ITPR3: variants seen among roughly 807,000 people sequenced by gnomAD.
ITPR3 encodes inositol 1,4,5-trisphosphate receptor type 3.
A neutral mutation model predicts 293.2 loss-of-function variants in ITPR3; 173 were observed. The observed-to-expected ratio is 0.59, with a 90% CI of 0.52 to 0.67. The LOEUF (loss-of-function observed/expected upper bound fraction) is 0.67. Among genes scored for constraint, ITPR3 ranks in the 30% least tolerant of loss-of-function variants. ITPR3 has a pLI of 0.00. For missense variants in ITPR3, 2,796 were observed against 3,592.1 expected (o/e 0.78, Z 5.66); for synonymous variants, 1,295 against 1,444.4 (o/e 0.90, Z 2.35).
intron 2 of ITPR3, among the ~76,000 whole-genome samples, chr6:33,645,511 A>G (rs1357335604): frequency 1.3e-5 from 2 of 152,072 alleles, no homozygotes; most frequent in East Asian, 3.9e-4. Flanking sequence ...GCTCATTTCC[A>G]GCTTTTGGCA....
chr6:33,663,265 T>G (rs1003435849), intron 9 of ITPR3, among the ~76,000 whole-genome samples: 2 of 151,208 alleles, frequency 1.3e-5, no homozygotes, highest in Admixed American at 1.3e-4. Flanking sequence ...CCCGTCTGTC[T>G]GTAATGCGCA....
At position 33,686,993 on chromosome 6, in the gene ITPR3, C is replaced by T; in HGVS notation, c.5980-16C>T. 1 of 1,607,460 alleles carries T rather than the reference C, an allele frequency of 6.2e-7. No homozygotes were observed. The highest frequency in any genetic ancestry group is 8.5e-7 in the Non-Finnish European group (1 of 1,174,544). The stretch of plus-strand genomic sequence containing the variant: ...TCCTGAGACTGTGGCCTGCCTCCCT[C>T]TGCCCCTCCACCCAGGACAATGCCT... On this transcript the variant is annotated splice_polypyrimidine_tract_variant and intron_variant, in intron 43 of 57. Transcript: ENST00000605930.
At position 33,646,089 on chromosome 6, in the gene ITPR3, G is replaced by A. The variant is rs796537137; in HGVS notation, c.160+5535G>A. Among the ~76,000 whole-genome samples the A allele has an allele frequency of 3.3e-5, 5 of 152,204 alleles. No homozygotes were observed. In the South Asian group the frequency reaches 1.0e-3, roughly 32 times the overall value. On this transcript the variant is annotated intron_variant, in intron 2 of 57. Coordinates refer to ENST00000605930, the MANE Select transcript of ITPR3 (RefSeq NM_002224.4). ...CTGACCCCGTGATCCACCCGCCTCG[G>A]TCTCCCAAAGTGTTAGGATTACAGG...
At position 33,659,040 on chromosome 6, in the gene ITPR3, T is replaced by G. The variant is rs1337834628; in HGVS notation, c.548T>G (p.Val183Gly). ...NGDNVVVGDK[V>G]ILNPVNAGQP... ...GCTCAGGTGGTCGTGGGGGACAAGG[T>G]GATCCTGAATCCTGTCAATGCCGGG... Residue 183 changes from valine to glycine, a missense_variant, in exon 6 of 58, where the codon GTG becomes GGG. Around this residue, in one of 8 missense-constraint regions of ITPR3, gnomAD observed 144 missense variants for 230.8 expected, o/e 0.62. Transcript: ENST00000605930. 2 of 1,613,968 alleles carry G rather than the reference T, an allele frequency of 1.2e-6. No homozygotes were observed. The highest frequency in any genetic ancestry group is 1.7e-6 in the Non-Finnish European group (2 of 1,179,976).
At chr6:33,623,196 G>A (rs1437199841) in intron 1 of ITPR3, among the ~76,000 whole-genome samples, 1 of 152,106 alleles carries the variant, frequency 6.6e-6, no homozygotes, top group Admixed American at 6.5e-5. Flanking sequence ...GAGGGACATA[G>A]GGATCTATCG....
In ITPR3 at chr6:33,678,526, C is replaced by G; in HGVS notation, c.3754C>G (p.Leu1252Val). 1 of 1,612,152 alleles carries G rather than the reference C, an allele frequency of 6.2e-7. No homozygotes were observed. Among genetic ancestry groups the G allele is most frequent in the South Asian group, 1.1e-5 (1 of 91,010 alleles). The change falls in exon 29 of 58, where the codon CTC (leucine) becomes GTC (valine). Residue 1252 changes from leucine (L) to valine (V), a missense_variant. Physicochemically the swap from Leu to Val is conservative, Grantham distance 32 (BLOSUM62 1). This residue lies in a region of ITPR3 where 344 missense variants were observed against 460.3 expected (regional missense o/e 0.75). Coordinates refer to ENST00000605930, the MANE Select transcript of ITPR3 (RefSeq NM_002224.4). ...NQALLHKHLHLFLTPGLLEAE... is the reference protein window; with the variant it reads ...NQALLHKHLHVFLTPGLLEAE... ...GGCCCTGCTGCACAAACACCTGCAC[C>G]TCTTCCTCACGCCAGGGGTGAGGGT...
Position 33,691,594 on chromosome 6 carries a change from T to G in ITPR3, c.7226-21T>G. 1 of 1,603,544 alleles carries G rather than the reference T, an allele frequency of 6.2e-7. No homozygotes were observed. Among genetic ancestry groups the G allele is most frequent in the African/African-American group, 1.3e-5 (1 of 74,752 alleles). On this transcript the variant is annotated intron_variant, in intron 52 of 57. Transcript: ENST00000605930. The surrounding 1 kb of genome is among the most constrained non-coding windows in gnomAD (Gnocchi z 4.9). ...GGCCAGGCACTGGACCTCCTGATGA[T>G]CTCATCCATATCCCCTCCAGCCAGC...
rs753709144 is a variant in ITPR3 at position 33,633,886 on chromosome 6, C to G, written c.90-6598C>G. 2.0e-5 allele frequency among the ~76,000 whole-genome samples: 3 copies of G among 150,262 alleles called. No homozygotes were observed. The highest frequency in any genetic ancestry group is 4.5e-5 in the Non-Finnish European group (3 of 67,348). On this transcript the variant is annotated intron_variant, in intron 1 of 57. Transcript: ENST00000605930. This position sits in a 1 kb window ranked among gnomAD's most constrained non-coding sequence, Gnocchi z 5.2. ...GGCGGGGCCAGGGAGGCCAGACCTA[C>G]GCTCTCCGGAGCCGCGCGGACCCAG...
Position 33,684,372 on chromosome 6 carries a change from CA to C in ITPR3, c.4955del (p.Lys1652ArgfsTer59). ...GCCGGCTCAGGCTGATCCAGCACACCAAGGACCTCATGGAGTCGGAGGAGAA... is the reference window on the plus strand; with the variant it reads ...GCCGGCTCAGGCTGATCCAGCACACCAGGACCTCATGGAGTCGGAGGAGAA... ...GFLSKLIQHT[K>X]DLMESEEKLC... On this transcript the variant is annotated frameshift_variant, in exon 37 of 58. Coordinates refer to ENST00000605930, the MANE Select transcript of ITPR3 (RefSeq NM_002224.4). LOFTEE classifies it high-confidence loss of function. This position sits in a 1 kb window ranked among gnomAD's most constrained non-coding sequence, Gnocchi z 4.2. The C allele has an allele frequency of 6.2e-7, 1 of 1,613,952 alleles. No individual in the cohort carries two copies. Among genetic ancestry groups the C allele is most frequent in the Non-Finnish European group, 8.5e-7 (1 of 1,179,940 alleles).
Position 33,683,349 on chromosome 6 carries a change from C to T in ITPR3, c.4740C>T (p.Thr1580=). ...CCACGCGGGCCTTCCCCCGCGTCAC[C>T]CCCACCGCCAACCAGTGGGACTACA... ...KATTRAFPRV[T]PTANQWDYKN... Residue 1580 remains threonine (T), a synonymous_variant, in exon 35 of 58, where the codon ACC becomes ACT. Coordinates refer to ENST00000605930, the MANE Select transcript of ITPR3 (RefSeq NM_002224.4). The surrounding 1 kb of genome is among the most constrained non-coding windows in gnomAD (Gnocchi z 4.5). 2 of 1,596,502 alleles carry T rather than the reference C, an allele frequency of 1.3e-6. No homozygotes were observed. The highest frequency in any genetic ancestry group is 1.1e-5 in the South Asian group (1 of 87,924).
rs376859010 is a variant in ITPR3 at position 33,687,597 on chromosome 6, G to C, written c.6264+33G>C. The C allele has an allele frequency of 1.0e-5, 16 of 1,541,506 alleles. No homozygotes were observed. In the African/African-American group the frequency reaches 2.2e-4, roughly 21 times the overall value. ...CTGGCCCCGAGACTGGGGTGGGGGT[G>C]GGGCCTGGAACCCAGGGAGGACACT... On this transcript the variant is annotated intron_variant, in intron 46 of 57. Coordinates refer to ENST00000605930, the MANE Select transcript of ITPR3 (RefSeq NM_002224.4). The surrounding 1 kb of genome is among the most constrained non-coding windows in gnomAD (Gnocchi z 5.3).
rs55642707 is a variant in ITPR3, at chr6:33,638,954, G to A, written c.90-1530G>A. On this transcript the variant is annotated intron_variant, in intron 1 of 57. Coordinates refer to ENST00000605930, the MANE Select transcript of ITPR3 (RefSeq NM_002224.4). This position sits in a 1 kb window ranked among gnomAD's most constrained non-coding sequence, Gnocchi z 4.3. The stretch of plus-strand genomic sequence containing the variant: ...GGGCCAGAGTGGAGTGAGTATTAAG[G>A]CACTGCAGGCTGCCAGGACTGCCTC... Among the ~76,000 whole-genome samples the A allele has an allele frequency of 0.26, 40,265 of 152,090 alleles. 5,752 individuals are homozygous for A. The highest frequency in any genetic ancestry group is 0.48 in the East Asian group (2,471 of 5,168).
In ITPR3 at chr6:33,677,521, C is replaced by G. The variant is rs1490172069; in HGVS notation, c.3540C>G (p.Asn1180Lys). 6.2e-7 allele frequency: 1 copy of G among 1,613,826 alleles called. No individual in the cohort carries two copies. The highest frequency in any genetic ancestry group is 1.3e-5 in the African/African-American group (1 of 74,892). The change falls in exon 28 of 58, where the codon AAC becomes AAG. Residue 1180 changes from asparagine (N) to lysine (K), a missense_variant. Physicochemically the swap from Asn to Lys is moderately conservative, Grantham distance 94 (BLOSUM62 0). This residue lies in a region of ITPR3 where 344 missense variants were observed against 460.3 expected (regional missense o/e 0.75). Coordinates refer to ENST00000605930, the MANE Select transcript of ITPR3 (RefSeq NM_002224.4). ...CCCTGCAGATCCTGGAAAGGCTGAACAAGATGTGCGGGGTTGGGGAGCAAA... is the reference window on the plus strand; with the variant it reads ...CCCTGCAGATCCTGGAAAGGCTGAAGAAGATGTGCGGGGTTGGGGAGCAAA... The part of the protein sequence containing the change: ...QIVKGILERL[N>K]KMCGVGEQMR...
In ITPR3 at chr6:33,685,367, C is replaced by T; in HGVS notation, c.5316C>T (p.Phe1772=). The change falls in exon 40 of 58, where the codon TTC becomes TTT. Residue 1772 remains phenylalanine (F), a synonymous_variant. Transcript: ENST00000605930. ...CCACTGTCCACCTCCAGAAATCCTT[C>T]CACAACCTGATGATGAGTGACAAGA... is the stretch of plus-strand genomic sequence containing the variant. ...DGGNTEIQKS[F]HNLMMSDKKS... is the part of the protein sequence containing the mutation. 1.2e-6 allele frequency: 2 copies of T among 1,611,028 alleles called. No individual in the cohort carries two copies. The highest frequency in any genetic ancestry group is 1.7e-6 in the Non-Finnish European group (2 of 1,177,450).
chr6:33,694,783 T>A (rs1765493069), intron 56 of ITPR3, 141 bp from the exon 57 acceptor site: 1 of 1,077,286 alleles, frequency 9.3e-7, no homozygotes, highest in Non-Finnish European at 1.4e-6. Flanking sequence ...CCAGGTCAAT[T>A]CAGATTTTCC....
At chr6:33,668,753 G>T in intron 17 of ITPR3, 119 bp downstream of exon 17, 1 of 1,485,398 alleles carries the variant, frequency 6.7e-7, no homozygotes. Context: ...CTGCAGCTGT[G>T]AACTCTGTGC....
At chr6:33,685,230 C>T in intron 39 of ITPR3, 129 bp from the exon 40 acceptor site, 1 of 950,078 alleles carries the variant, frequency 1.1e-6, no homozygotes. Flanking sequence ...TGCTAGCCAC[C>T]AGCACCCAGG....
intron 1 of ITPR3, among the ~76,000 whole-genome samples, chr6:33,637,279 G>A (rs553560531): frequency 3.0e-4 from 45 of 152,174 alleles, no homozygotes; most frequent in African/African-American, 1.1e-3. Flanking sequence ...CATAAATCTG[G>A]GGTTCCCACA....
chr6:33,622,033 G>A (rs55694657), intron 1 of ITPR3, among the ~76,000 whole-genome samples: 14,030 of 152,218 alleles, frequency 0.092, 715 homozygotes, highest in Non-Finnish European at 0.12. Context: ...GTTGGGGAAG[G>A]GCAGCCGGGC....
Sources: allele counts gnomAD v4.1 joint callset (sites outside exome capture counted in the v4.1 genomes callset), GRCh38; gene constraint gnomAD v4.1.1; regional missense constraint gnomAD v4.1.1; non-coding constraint Gnocchi (gnomAD v3.1); transcripts MANE v1.5; gene names NCBI Gene and HGNC (gene_info 2026-07-23, HGNC 2026-07-21).